GPD1L: variants seen among roughly 807,000 people sequenced by gnomAD.
GPD1L encodes the protein glycerol-3-phosphate dehydrogenase 1-like protein.
In GPD1L, 17 loss-of-function variants were observed where a neutral mutation model predicts 32.9. The observed-to-expected ratio is 0.52, with a 90% CI of 0.35 to 0.78. The LOEUF (loss-of-function observed/expected upper bound fraction) is 0.78, where lower values mean the gene tolerates loss of function less well. Ranked by LOEUF, GPD1L falls within the 30% of genes least tolerant of loss-of-function variation. The probability of loss-of-function intolerance (pLI) is 0.01; values close to 1 mark genes in which losing one functional copy is unlikely to be tolerated. For synonymous variants in GPD1L, 187 were observed against 165.9 expected, an observed-to-expected ratio of 1.13 and a Z score of -0.98; for missense variants, 361 against 447.8, an observed-to-expected ratio of 0.81 and a Z score of 1.75.
Position 32,166,215 on chromosome 3 carries a change from C to T in GPD1L, c.*305C>T. ...TTATGAAATTTCCACACAATCGTAG[C>T]TTATAAGATTGGAACGATCTCAGCC... On this transcript the variant is annotated 3_prime_UTR_variant, in exon 8 of 8. Transcript: ENST00000282541. 2.4e-6 allele frequency: 1 copy of T among 413,048 alleles called. No homozygotes were observed. The highest frequency in any genetic ancestry group is 2.3e-5 in the South Asian group (1 of 44,264). The allele number at this position is 413,048 out of a possible 1,614,324, so 25.6% of individuals were successfully genotyped here.
chr3:32,142,812 G>C (rs1209210015), intron 4 of GPD1L, among the ~76,000 whole-genome samples: 1 of 152,082 alleles, frequency 6.6e-6, no homozygotes, highest in African/African-American at 2.4e-5. Context: ...CACATAAGTT[G>C]CATTTCTTTC....
intron 5 of GPD1L, chr3:32,151,678 C>T (rs114639313): frequency 0.017 from 2,785 of 167,240 alleles, 48 homozygotes; most frequent in Admixed American, 0.054. Context: ...AGAGTTTCAC[C>T]ATGTTGCCCA....
intron 1 of GPD1L, among the ~76,000 whole-genome samples, chr3:32,119,827 T>G (rs762378376): frequency 1.8e-4 from 27 of 152,226 alleles, no homozygotes; most frequent in Non-Finnish European, 3.8e-4. Flanking sequence ...GATGGGGGCA[T>G]GGAATGTGGA....
chr3:32,157,668 G>C (rs531022602), intron 5 of GPD1L, among the ~76,000 whole-genome samples: 1 of 152,142 alleles, frequency 6.6e-6, no homozygotes, highest in Non-Finnish European at 1.5e-5. Flanking sequence ...TTCCTGTAAG[G>C]TCAGGGCTGG....
At chr3:32,147,562 T>C (rs957041349) in intron 5 of GPD1L, among the ~76,000 whole-genome samples, 9 of 152,176 alleles carry the variant, frequency 5.9e-5, no homozygotes, top group African/African-American at 2.2e-4. Context: ...AGCTACCTGC[T>C]CATTCCCCCT....
intron 6 of GPD1L, 95 bp from the exon 7 acceptor site, chr3:32,159,473 A>G (rs1701045673): frequency 3.5e-6 from 3 of 861,708 alleles, no homozygotes; most frequent in Non-Finnish European, 5.5e-6. Context: ...TCTAAAAAAA[A>G]AAAAAAAGAA....
intron 7 of GPD1L, among the ~76,000 whole-genome samples, chr3:32,161,083 C>A (rs1206471110): frequency 3.3e-5 from 5 of 152,116 alleles, no homozygotes; most frequent in Admixed American, 3.3e-4. Flanking sequence ...GCTATTATCT[C>A]TGGTTGCAGC....
chr3:32,115,601 T>C (rs1223344587), intron 1 of GPD1L, among the ~76,000 whole-genome samples: 3 of 152,056 alleles, frequency 2.0e-5, no homozygotes, highest in Non-Finnish European at 4.4e-5. Flanking sequence ...AATTTGTGTT[T>C]CTCCAGTCCT....
At chr3:32,165,740 A>T (rs140007395) in intron 7 of GPD1L, 74 bp from the exon 8 acceptor site, 123 of 797,884 alleles carry the variant, frequency 1.5e-4, no homozygotes, top group Non-Finnish European at 2.6e-4. Flanking sequence ...ATCTGTTAGG[A>T]CAGAAAACCT....
At chr3:32,144,719 G>A (rs1228732429) in intron 4 of GPD1L, among the ~76,000 whole-genome samples, 2 of 151,130 alleles carry the variant, frequency 1.3e-5, no homozygotes, top group Non-Finnish European at 2.9e-5. Context: ...GGAGTCTCAC[G>A]CTGTTGCCCA....
chr3:32,156,005 C>T (rs1333290769), intron 5 of GPD1L, among the ~76,000 whole-genome samples: 2 of 152,120 alleles, frequency 1.3e-5, no homozygotes, highest in East Asian at 1.9e-4. Flanking sequence ...TCTTATGGTC[C>T]CTGCTCTTAG....
In GPD1L at chr3:32,159,640, T is replaced by C. The variant is rs201275703; in HGVS notation, c.925T>C (p.Tyr309His). Residue 309 changes from tyrosine (Y) to histidine (H), a missense_variant, in exon 7 of 8, where the codon TAC becomes CAC. By Grantham distance (83) the Tyr-to-His change is moderately conservative. Transcript: ENST00000282541. ...AGGACCGCAGACTTCTGCTGAAGTG[T>C]ACCGCATCCTCAAACAGAAGGGACT... is the stretch of plus-strand genomic sequence containing the variant. ...LQGPQTSAEV[Y>H]RILKQKGLLD... 6 of 1,612,228 alleles carry C rather than the reference T, an allele frequency of 3.7e-6. No homozygotes were observed. The highest frequency in any genetic ancestry group is 5.1e-6 in the Non-Finnish European group (6 of 1,178,488).
chr3:32,120,660 C>T (rs11129493), intron 1 of GPD1L, among the ~76,000 whole-genome samples: 57,279 of 151,924 alleles, frequency 0.38, 11,902 homozygotes, highest in East Asian at 0.64. Flanking sequence ...TCTGGTCTCT[C>T]CTAGTCATTT....
At chr3:32,164,971 C>T (rs546698976) in intron 7 of GPD1L, among the ~76,000 whole-genome samples, 3 of 152,166 alleles carry the variant, frequency 2.0e-5, no homozygotes, top group East Asian at 1.9e-4. Flanking sequence ...TTTGGGAGGC[C>T]GAGGTGGGTG....
intron 1 of GPD1L, among the ~76,000 whole-genome samples, chr3:32,124,549 G>A (rs1292945566): frequency 6.6e-6 from 1 of 152,188 alleles, no homozygotes; most frequent in Non-Finnish European, 1.5e-5. Flanking sequence ...GAGGCACAAA[G>A]GAATTTTGGG....
chr3:32,128,286 A>C (rs113463869), intron 2 of GPD1L, 33 bp downstream of exon 2: 32 of 1,571,430 alleles, frequency 2.0e-5, no homozygotes, highest in Non-Finnish European at 2.8e-5. Flanking sequence ...ACATTGGTTC[A>C]TTCTGCAAGT....
intron 1 of GPD1L, among the ~76,000 whole-genome samples, chr3:32,124,745 G>A (rs1189661882): frequency 1.3e-5 from 2 of 152,078 alleles, no homozygotes; most frequent in African/African-American, 4.8e-5. Flanking sequence ...GGGCAACATA[G>A]AGAGATTTCA....
intron 5 of GPD1L, among the ~76,000 whole-genome samples, chr3:32,153,770 C>A (rs1404484995): frequency 6.6e-6 from 1 of 152,152 alleles, no homozygotes; most frequent in Admixed American, 6.5e-5. Context: ...CTGCAGGTAG[C>A]ATGGGCTGGT....
intron 3 of GPD1L, among the ~76,000 whole-genome samples, chr3:32,139,239 C>T (rs1315929622): frequency 1.3e-5 from 2 of 152,182 alleles, no homozygotes; most frequent in African/African-American, 4.8e-5. Flanking sequence ...ATGCAGCTCA[C>T]AGCCAAAGTT....
Sources: allele counts gnomAD v4.1 joint callset (sites outside exome capture counted in the v4.1 genomes callset), GRCh38; gene constraint gnomAD v4.1.1; transcripts MANE v1.5; gene names NCBI Gene and HGNC (gene_info 2026-07-23, HGNC 2026-07-21).